Variants in SDC1 observed in about 807,000 individuals in gnomAD.
The protein encoded by SDC1 is syndecan-1.
A neutral mutation model predicts 29.7 loss-of-function variants in SDC1; 14 were observed. That is an observed-to-expected ratio of 0.47 (90% confidence interval 0.31 to 0.74). The LOEUF is 0.74. SDC1 is among the 30% of genes least tolerant of loss of function. SDC1 has a pLI of 0.05. For synonymous variants in SDC1, 204 were observed against 175.5 expected, an observed-to-expected ratio of 1.16 and a Z score of -1.29; for missense variants, 406 against 400.3, an observed-to-expected ratio of 1.01 and a Z score of -0.12.
At chr2:20,206,156 T>C (rs1324662838) in intron 1 of SDC1, among the ~76,000 whole-genome samples, 3 of 152,188 alleles carry the variant, frequency 2.0e-5, no homozygotes, top group Non-Finnish European at 4.4e-5. Flanking sequence ...GGACAGGGTG[T>C]CCATCAGGCT....
chr2:20,211,815 G>A (rs1251141426), intron 1 of SDC1, among the ~76,000 whole-genome samples: 6 of 152,346 alleles, frequency 3.9e-5, no homozygotes, highest in African/African-American at 1.2e-4. Context: ...CCTTCCGAAC[G>A]CCTCAGTGCC....
Position 20,203,171 on chromosome 2 carries a change from G to C in SDC1, c.679C>G (p.Pro227Ala). ...GENTAVVAVE[P>A]DRRNQSPVDQ... ...ACTGGGGACTGGTTCCGGCGGTCAG[G>C]CTCCACGGCCACTACAGCCGTATTC... The change falls in exon 4 of 5, where the codon CCT becomes GCT. Residue 227 changes from proline to alanine, a missense_variant. Physicochemically the swap from Pro to Ala is conservative, Grantham distance 27. Coordinates refer to ENST00000254351, the MANE Select transcript of SDC1 (RefSeq NM_002997.5). The C allele has an allele frequency of 6.2e-7, 1 of 1,612,984 alleles. No homozygotes were observed. Among genetic ancestry groups the C allele is most frequent in the East Asian group, 2.2e-5 (1 of 44,864 alleles).
intron 1 of SDC1, among the ~76,000 whole-genome samples, chr2:20,209,883 G>A (rs144992153): frequency 6.6e-6 from 1 of 152,236 alleles, no homozygotes; most frequent in African/African-American, 2.4e-5. Context: ...GGTTCGACGG[G>A]GGGCAGCGGG....
Position 20,224,173 on chromosome 2 carries a change from C to A in SDC1, c.66+629G>T, listed in dbSNP as rs755992434. The stretch of plus-strand genomic sequence containing the variant: ...CCAACTTCCCGGAACCTCCCGCTGC[C>A]GGGCCGGCTCAGCTCACCTCGAGCC... On this transcript the variant is annotated intron_variant, in intron 1 of 4. Transcript: ENST00000254351. This position sits in a 1 kb window ranked among gnomAD's most constrained non-coding sequence, Gnocchi z 4.9. The A allele has an allele frequency of 7.0e-6, 3 of 426,750 alleles. No individual in the cohort carries two copies. The allele number at this position is 426,750 out of a possible 1,614,324, so 26.4% of individuals were successfully genotyped here. A position where few individuals can be genotyped will look rare whatever the true frequency, so the allele number is the denominator to read the frequency against.
rs1677933048 is a variant in SDC1 at position 20,224,624 on chromosome 2, G to A, written c.66+178C>T. ...ACCGGTGCGGCACCCACCGACAGCG[G>A]AGGAAATTGGGGCTGGAGCCCTGGT... On this transcript the variant is annotated intron_variant, in intron 1 of 4. Coordinates refer to ENST00000254351, the MANE Select transcript of SDC1 (RefSeq NM_002997.5). The surrounding 1 kb of genome is among the most constrained non-coding windows in gnomAD (Gnocchi z 4.9). 6.6e-6 allele frequency among the ~76,000 whole-genome samples: 1 copy of A among 151,750 alleles called. No individual in the cohort carries two copies.
chr2:20,209,014 G>A (rs938712374), intron 1 of SDC1, among the ~76,000 whole-genome samples: 1 of 152,182 alleles, frequency 6.6e-6, no homozygotes, highest in African/African-American at 2.4e-5. Context: ...GGGGCTGGGG[G>A]ATCAAGAGGC....
At chr2:20,220,898 G>A (rs1677797070) in intron 1 of SDC1, among the ~76,000 whole-genome samples, 1 of 152,226 alleles carries the variant, frequency 6.6e-6, no homozygotes, top group Admixed American at 6.5e-5. Context: ...GAAGCTGAGA[G>A]TAACAGTCAA....
At chr2:20,219,790 C>T (rs115444530) in intron 1 of SDC1, among the ~76,000 whole-genome samples, 2,639 of 152,302 alleles carry the variant, frequency 0.017, 87 homozygotes, top group African/African-American at 0.059. Flanking sequence ...AGTTGAAGCC[C>T]GGCAATCGCC....
At chr2:20,202,981 C>T (rs774386140) in intron 4 of SDC1, 46 bp from the exon 5 acceptor site, 7 of 1,579,788 alleles carry the variant, frequency 4.4e-6, no homozygotes, top group Non-Finnish European at 6.0e-6. Context: ...GCTCCTTGGG[C>T]TCTGCTGCAG....
rs572821796 is a variant in SDC1, at chr2:20,203,797, T to A, written c.627+16A>T. 1.1e-5 allele frequency: 17 copies of A among 1,539,534 alleles called. No individual in the cohort carries two copies. Among genetic ancestry groups the A allele is most frequent in the Admixed American group, 2.1e-5 (1 of 47,348 alleles). On this transcript the variant is annotated intron_variant, in intron 3 of 4. Transcript: ENST00000254351. The stretch of plus-strand genomic sequence containing the variant: ...CCAACCCACTCAATTTCCCAAGGAA[T>A]GCAGAGGCCACTCACCTGCTCCCCA...
At chr2:20,216,487 G>T (rs1246947784) in intron 1 of SDC1, among the ~76,000 whole-genome samples, 1 of 152,172 alleles carries the variant, frequency 6.6e-6, no homozygotes, top group Admixed American at 6.5e-5. Flanking sequence ...CCACAACCTC[G>T]GGCCCTGCAA....
At chr2:20,204,754 T>C (rs1018476470) in intron 2 of SDC1, among the ~76,000 whole-genome samples, 3 of 152,148 alleles carry the variant, frequency 2.0e-5, no homozygotes, top group African/African-American at 7.2e-5. Context: ...TCCCCAGGGA[T>C]GACCTCAGCC....
chr2:20,212,105 C>T (rs994743411), intron 1 of SDC1, among the ~76,000 whole-genome samples: 7 of 151,768 alleles, frequency 4.6e-5, no homozygotes, highest in Admixed American at 3.9e-4. Context: ...GGCCCCGCGG[C>T]TTTAGCACCT....
rs757514498 is a variant in SDC1 at position 20,202,249 on chromosome 2, T to C, written c.*517A>G. ...TATGAACAAAGAACTAGAGGAAACA[T>C]GTGCAAAAACAAGTCGATATCTAGA... On this transcript the variant is annotated 3_prime_UTR_variant, in exon 5 of 5. Coordinates refer to ENST00000254351, the MANE Select transcript of SDC1 (RefSeq NM_002997.5). 2.6e-6 allele frequency: 2 copies of C among 778,466 alleles called. No individual in the cohort carries two copies. The highest frequency in any genetic ancestry group is 4.8e-6 in the Non-Finnish European group (2 of 417,600). 48.2% of individuals were successfully genotyped at this position (778,466 alleles called of 1,614,324 possible).
Position 20,223,650 on chromosome 2 carries a change from C to G in SDC1, c.66+1152G>C, listed in dbSNP as rs1342696644. Among the ~76,000 whole-genome samples the G allele has an allele frequency of 3.3e-5, 5 of 152,310 alleles. No homozygotes were observed. In the East Asian group the frequency reaches 9.7e-4, roughly 29 times the overall value. On this transcript the variant is annotated intron_variant, in intron 1 of 4. Transcript: ENST00000254351. The stretch of plus-strand genomic sequence containing the variant: ...CGGCAGACTCGGGCACCGGGCGGCC[C>G]GCGCTGACACCTGGCTGCGGCCCAG...
At chr2:20,217,157 C>A (rs544865946) in intron 1 of SDC1, among the ~76,000 whole-genome samples, 29 of 152,206 alleles carry the variant, frequency 1.9e-4, no homozygotes, top group Non-Finnish European at 3.4e-4. Flanking sequence ...TTCGATACTG[C>A]TGTATCGTGG....
In SDC1 at chr2:20,202,187, A is replaced by T; in HGVS notation, c.*579T>A. On this transcript the variant is annotated 3_prime_UTR_variant, in exon 5 of 5. Coordinates refer to ENST00000254351, the MANE Select transcript of SDC1 (RefSeq NM_002997.5). Reference sequence around the variant, plus strand: ...AGATGGGGGGATACCGAATCAACTTACTTAACTTACCTCAGAAGTAACAAG... The same window carrying T: ...AGATGGGGGGATACCGAATCAACTTTCTTAACTTACCTCAGAAGTAACAAG... The T allele has an allele frequency of 1.4e-6, 1 of 713,934 alleles. No homozygotes were observed. The allele number at this position is 713,934 out of a possible 1,614,324, so 44.2% of individuals were successfully genotyped here. A position where few individuals can be genotyped will look rare whatever the true frequency, so the allele number is the denominator to read the frequency against.
At chr2:20,223,894 G>A (rs532456874) in intron 1 of SDC1, among the ~76,000 whole-genome samples, 2 of 152,262 alleles carry the variant, frequency 1.3e-5, no homozygotes, top group African/African-American at 4.8e-5. Context: ...CCCACCCAAA[G>A]GCCTCTTACA....
At chr2:20,214,509 C>T (rs1469277061) in intron 1 of SDC1, among the ~76,000 whole-genome samples, 1 of 152,218 alleles carries the variant, frequency 6.6e-6, no homozygotes, top group East Asian at 1.9e-4. Context: ...GGCCCCAGGT[C>T]AAGTGGCTTG....
Sources: allele counts gnomAD v4.1 joint callset (sites outside exome capture counted in the v4.1 genomes callset), GRCh38; gene constraint gnomAD v4.1.1; non-coding constraint Gnocchi (gnomAD v3.1); transcripts MANE v1.5; gene names NCBI Gene and HGNC (gene_info 2026-07-23, HGNC 2026-07-21).